The following SH3PXD2B variants were observed in gnomAD, a reference collection of about 807,000 sequenced individuals.
SH3PXD2B encodes the protein SH3 and PX domain-containing protein 2B.
In SH3PXD2B, 37 loss-of-function variants were observed where a neutral mutation model predicts 73.1. The observed-to-expected ratio is 0.51, with a 90% CI of 0.39 to 0.67. The LOEUF (loss-of-function observed/expected upper bound fraction) is 0.67. Among genes scored for constraint, SH3PXD2B ranks in the 30% least tolerant of loss-of-function variants. The probability of loss-of-function intolerance (pLI) is 0.00; values close to 1 mark genes in which losing one functional copy is unlikely to be tolerated. For synonymous variants in SH3PXD2B, 457 were observed against 480.5 expected (o/e 0.95, Z 0.64); for missense variants, 1,053 against 1,197.8 (o/e 0.88, Z 1.78).
chr5:172,335,176 C>T lies in SH3PXD2B; in HGVS notation c.*3193G>A, dbSNP rs1335752431. The T allele has an allele frequency of 1.0e-6, 1 of 994,430 alleles. No homozygotes were observed. Among genetic ancestry groups the T allele is most frequent in the Non-Finnish European group, 1.2e-6 (1 of 836,412 alleles). The allele number at this position is 994,430 out of a possible 1,614,324, so 61.6% of individuals were successfully genotyped here. A position where few individuals can be genotyped will look rare whatever the true frequency, so the allele number is the denominator to read the frequency against. On this transcript the variant is annotated 3_prime_UTR_variant, in exon 13 of 13. Transcript: ENST00000311601. ...AATTTTTGGAGGTACCGCAAGCTGT[C>T]CGTTTGCCCTGGGATGTAAGGTAAA...
rs549802074 is a variant in SH3PXD2B at position 172,334,254 on chromosome 5, G to C, written c.*4115C>G. The C allele has an allele frequency of 7.6e-5, 78 of 1,032,334 alleles. No individual in the cohort carries two copies. Among genetic ancestry groups the C allele is most frequent in the Non-Finnish European group, 8.8e-5 (76 of 862,588 alleles). The allele number at this position is 1,032,334 out of a possible 1,614,324, so 63.9% of individuals were successfully genotyped here. A position where few individuals can be genotyped will look rare whatever the true frequency, so the allele number is the denominator to read the frequency against. ...CCAGTCTGTAGAAAGGTGCTCTGAA[G>C]GAGGTCCATGAGCAGGCAAGGACTG... On this transcript the variant is annotated 3_prime_UTR_variant, in exon 13 of 13. Transcript: ENST00000311601.
rs559989839 is a variant in SH3PXD2B, at chr5:172,353,584, C to T, written c.785+304G>A. Among the ~76,000 whole-genome samples the T allele has an allele frequency of 3.3e-5, 5 of 152,330 alleles. No individual in the cohort carries two copies. In the South Asian group the frequency reaches 6.2e-4, roughly 19 times the overall value. On this transcript the variant is annotated intron_variant, in intron 9 of 12. Coordinates refer to ENST00000311601, the MANE Select transcript of SH3PXD2B (RefSeq NM_001017995.3). The surrounding 1 kb of genome is among the most constrained non-coding windows in gnomAD (Gnocchi z 4.3). ...GTCACTCACATGGGGCAGCTTTGGC[C>T]TCCAACTCCTCATTATGAGAAACAT...
chr5:172,339,629 C>T lies in SH3PXD2B; in HGVS notation c.1476G>A (p.Lys492=), dbSNP rs763997550. The T allele has an allele frequency of 6.6e-5, 106 of 1,614,112 alleles. No individual in the cohort carries two copies. Among genetic ancestry groups the T allele is most frequent in the Non-Finnish European group, 8.6e-5 (102 of 1,180,058 alleles). Residue 492 remains lysine, a synonymous_variant, in exon 13 of 13, where the codon AAG becomes AAA. Coordinates refer to ENST00000311601, the MANE Select transcript of SH3PXD2B (RefSeq NM_001017995.3). This position sits in a 1 kb window ranked among gnomAD's most constrained non-coding sequence, Gnocchi z 6.1. ...CTGAAGATGCCTTCCTCAGGACATC[C>T]TTACTGCCCTTCCAGTCTTTAGACC... is the stretch of plus-strand genomic sequence containing the variant. The part of the protein sequence containing the change: ...LPWSKDWKGS[K]DVLRKASSDM...
intron 2 of SH3PXD2B, among the ~76,000 whole-genome samples, chr5:172,408,697 T>C (rs1482049793): frequency 1.3e-5 from 2 of 151,670 alleles, no homozygotes; most frequent in Non-Finnish European, 2.9e-5. Context: ...TGCCTAACTT[T>C]ATTTTTAGTA....
rs1756650008 is a variant in SH3PXD2B at position 172,334,869 on chromosome 5, C to T, written c.*3500G>A. ...ATCTTCCACCTGGTAATGAAATCCT[C>T]AGTGGGCGCAAACATTTTAGGGCCA... On this transcript the variant is annotated 3_prime_UTR_variant, in exon 13 of 13. Coordinates refer to ENST00000311601, the MANE Select transcript of SH3PXD2B (RefSeq NM_001017995.3). 1.0e-6 allele frequency: 1 copy of T among 985,296 alleles called. No homozygotes were observed. Among genetic ancestry groups the T allele is most frequent in the Admixed American group, 6.2e-5 (1 of 16,256 alleles). 61.0% of individuals were successfully genotyped at this position (985,296 alleles called of 1,614,324 possible).
chr5:172,358,423 C>A (rs2113309915), intron 8 of SH3PXD2B, among the ~76,000 whole-genome samples: 1 of 152,322 alleles, frequency 6.6e-6, no homozygotes, highest in African/African-American at 2.4e-5. Flanking sequence ...TGCAAATGAG[C>A]TGAAGCAGTT....
chr5:172,362,711 G>C, intron 7 of SH3PXD2B, 24 bp downstream of exon 7: 1 of 1,614,056 alleles, frequency 6.2e-7, no homozygotes, highest in Non-Finnish European at 8.5e-7. Flanking sequence ...GGTAGTGGGA[G>C]AGGGAGATGG....
At chr5:172,340,942 G>A (rs1756836210) in intron 12 of SH3PXD2B, among the ~76,000 whole-genome samples, 1 of 152,178 alleles carries the variant, frequency 6.6e-6, no homozygotes, top group South Asian at 2.1e-4. Context: ...AGCTCAAAGA[G>A]ATGCTCGTGT....
chr5:172,406,781 G>A (rs1161668874), intron 2 of SH3PXD2B, among the ~76,000 whole-genome samples: 4 of 152,192 alleles, frequency 2.6e-5, no homozygotes, highest in Non-Finnish European at 5.9e-5. Flanking sequence ...ATATTCCCCT[G>A]ACCCAGGAAG....
chr5:172,361,308 T>C (rs532387400), intron 7 of SH3PXD2B, among the ~76,000 whole-genome samples: 1 of 152,086 alleles, frequency 6.6e-6, no homozygotes, highest in East Asian at 1.9e-4. Context: ...TTGAAGCTGG[T>C]AGAAAAAATA....
rs1436662401 is a variant in SH3PXD2B, at chr5:172,335,271, G to T, written c.*3098C>A. 1.8e-6 allele frequency: 2 copies of T among 1,112,648 alleles called. No individual in the cohort carries two copies. Among genetic ancestry groups the T allele is most frequent in the Non-Finnish European group, 2.2e-6 (2 of 913,164 alleles). 68.9% of individuals were successfully genotyped at this position (1,112,648 alleles called of 1,614,324 possible). On this transcript the variant is annotated 3_prime_UTR_variant, in exon 13 of 13. Transcript: ENST00000311601. Reference sequence around the variant, plus strand: ...AAAAAAATCTCTGCCCACCTTTTGGGCTGCCATTTGGCCTGTGACCTACTG... The same window carrying T: ...AAAAAAATCTCTGCCCACCTTTTGGTCTGCCATTTGGCCTGTGACCTACTG...
intron 4 of SH3PXD2B, among the ~76,000 whole-genome samples, chr5:172,382,575 A>ACACT (rs1757974309): frequency 6.6e-6 from 1 of 151,926 alleles, no homozygotes. Context: ...ACACACACAC[A>ACACT]CACACAATGT....
chr5:172,356,194 A>C (rs1484280429), intron 8 of SH3PXD2B, among the ~76,000 whole-genome samples: 1 of 152,062 alleles, frequency 6.6e-6, no homozygotes, highest in African/African-American at 2.4e-5. Context: ...TTCTTTGGTG[A>C]TGTCCCTTAA....
intron 4 of SH3PXD2B, among the ~76,000 whole-genome samples, chr5:172,386,923 T>C (rs904361484): frequency 2.2e-4 from 33 of 152,304 alleles, no homozygotes; most frequent in Middle Eastern, 3.4e-3. Context: ...CTGATACCAG[T>C]TTTATGTTAT....
intron 5 of SH3PXD2B, among the ~76,000 whole-genome samples, chr5:172,378,036 G>A (rs1366850793): frequency 6.6e-6 from 1 of 150,758 alleles, no homozygotes; most frequent in Non-Finnish European, 1.5e-5. Context: ...TAGTGAGGCT[G>A]CCTCTGCCAC....
chr5:172,333,080 C>T (rs145493727), downstream of SH3PXD2B, among the ~76,000 whole-genome samples: 2,053 of 144,362 alleles, frequency 0.014, 33 homozygotes, highest in African/African-American at 0.037. Context: ...GGGTTACAGG[C>T]GCCCGACACC....
intron 10 of SH3PXD2B, among the ~76,000 whole-genome samples, chr5:172,347,606 GA>G (rs1390022200): frequency 6.6e-6 from 1 of 152,080 alleles, no homozygotes; most frequent in African/African-American, 2.4e-5. Flanking sequence ...AAATTCTCCA[GA>G]AAGGGCAAAA....
At chr5:172,340,071 T>C (rs1756818166) in intron 12 of SH3PXD2B, among the ~76,000 whole-genome samples, 155 bp from the exon 13 acceptor site, 1 of 152,232 alleles carries the variant, frequency 6.6e-6, no homozygotes, top group South Asian at 2.1e-4. Flanking sequence ...CCAATGGAGA[T>C]GTTACCATGT....
intron 1 of SH3PXD2B, among the ~76,000 whole-genome samples, chr5:172,429,703 TC>T (rs1483298124): frequency 1.3e-5 from 2 of 151,798 alleles, no homozygotes; most frequent in Admixed American, 1.3e-4. Context: ...CTCTTCCAAA[TC>T]CCCGAGCCAG....
Sources: allele counts gnomAD v4.1 joint callset (sites outside exome capture counted in the v4.1 genomes callset), GRCh38; gene constraint gnomAD v4.1.1; non-coding constraint Gnocchi (gnomAD v3.1); transcripts MANE v1.5; gene names NCBI Gene and HGNC (gene_info 2026-07-23, HGNC 2026-07-21).